Variants in RICTOR observed in about 807,000 individuals in gnomAD.
RICTOR encodes the protein RPTOR independent companion of MTOR complex 2, also known as rapamycin-insensitive companion of mTOR.
Under a neutral mutation model 214.9 loss-of-function variants are expected in RICTOR, and 49 were observed. The ratio of observed to expected loss-of-function variants is 0.23; its 90% CI spans 0.18 to 0.29. The LOEUF is 0.29. Among genes scored for constraint, RICTOR ranks in the 10% least tolerant of loss-of-function variants. RICTOR has a pLI of 1.00. For missense variants in RICTOR, 1,625 were observed against 2,047.0 expected (o/e 0.79, Z 3.98); for synonymous variants, 717 against 711.3 (o/e 1.01, Z -0.13).
At chr5:39,050,418 C>A (rs1410380973) in intron 2 of RICTOR, among the ~76,000 whole-genome samples, 1 of 151,980 alleles carries the variant, frequency 6.6e-6, no homozygotes, top group Admixed American at 6.6e-5. Flanking sequence ...CTCACTGTAA[C>A]CTCCACCTCC....
chr5:38,956,946 G>C (rs6898010), intron 25 of RICTOR, among the ~76,000 whole-genome samples: 147,130 of 152,168 alleles, frequency 0.97, 71,184 homozygotes, highest in East Asian at 0.99. Context: ...ATAAAAGAAT[G>C]TGTAACTATG....
intron 32 of RICTOR, 24 bp from the exon 33 acceptor site, chr5:38,946,576 T>A (rs372536860): frequency 3.8e-5 from 52 of 1,386,266 alleles, no homozygotes; most frequent in Admixed American, 8.8e-5. Flanking sequence ...TAAACCATGG[T>A]AAGTCCTGCT....
rs1311146400 is a variant in RICTOR at position 39,074,320 on chromosome 5, C to T, written c.49+9G>A. 1.3e-6 allele frequency: 2 copies of T among 1,533,280 alleles called. No individual in the cohort carries two copies. Among genetic ancestry groups the T allele is most frequent in the Non-Finnish European group, 8.8e-7 (1 of 1,137,492 alleles). 95.0% of individuals were successfully genotyped at this position (1,533,280 alleles called of 1,614,324 possible). A position where few individuals can be genotyped will look rare whatever the true frequency, so the allele number is the denominator to read the frequency against. ...GGGCGGTGGGGAGTGAGGGTTGCAG[C>T]GGGCTTACCTCGTACTCGGAGGTTC... On this transcript the variant is annotated intron_variant, in intron 1 of 37. Coordinates refer to ENST00000357387, the MANE Select transcript of RICTOR (RefSeq NM_152756.5).
intron 5 of RICTOR, among the ~76,000 whole-genome samples, chr5:38,997,953 G>C (rs530425732): frequency 6.6e-6 from 1 of 152,182 alleles, no homozygotes; most frequent in African/African-American, 2.4e-5. Flanking sequence ...TTCTCTCCAA[G>C]ACACTTGTCA....
chr5:39,069,974 T>TG (rs1376863957), intron 2 of RICTOR, among the ~76,000 whole-genome samples: 2 of 152,368 alleles, frequency 1.3e-5, no homozygotes, highest in African/African-American at 4.8e-5. Context: ...TTACTTAATT[T>TG]ATTTTTCCAC....
Position 38,990,707 on chromosome 5 carries a change from A to C in RICTOR, c.583+242T>G, listed in dbSNP as rs1383402310. On this transcript the variant is annotated intron_variant, in intron 7 of 37. Transcript: ENST00000357387. ...ATCATATATATGATATATATCAGAT[A>C]TGATATATATGATATATATCATATA... is the stretch of plus-strand genomic sequence containing the variant. Among the ~76,000 whole-genome samples the C allele has an allele frequency of 1.5e-4, 14 of 90,678 alleles. 2 individuals are homozygous for C. The highest frequency in any genetic ancestry group is 4.7e-4 in the African/African-American group (11 of 23,250). The allele number at this position is 90,678 out of a possible 152,430, so 59.5% of individuals were successfully genotyped here. A position where few individuals can be genotyped will look rare whatever the true frequency, so the allele number is the denominator to read the frequency against.
chr5:39,056,261 T>C (rs943216353), intron 2 of RICTOR, among the ~76,000 whole-genome samples: 10 of 152,134 alleles, frequency 6.6e-5, no homozygotes, highest in African/African-American at 2.4e-4. Flanking sequence ...AACAAAGTAC[T>C]TGTCTCCTCA....
chr5:38,955,716 T>G lies in RICTOR; in HGVS notation c.2500-12A>C. The G allele has an allele frequency of 2.1e-6, 3 of 1,428,276 alleles. No individual in the cohort carries two copies. Among genetic ancestry groups the G allele is most frequent in the Non-Finnish European group, 3.0e-6 (3 of 1,010,504 alleles). The allele number at this position is 1,428,276 out of a possible 1,614,324, so 88.5% of individuals were successfully genotyped here. A position where few individuals can be genotyped will look rare whatever the true frequency, so the allele number is the denominator to read the frequency against. On this transcript the variant is annotated splice_polypyrimidine_tract_variant and intron_variant, in intron 25 of 37. Coordinates refer to ENST00000357387, the MANE Select transcript of RICTOR (RefSeq NM_152756.5). ...TTGGAGTTGTATTCCTAGAGGATAA[T>G]ATTGTTTTAATTGCACATAGTATCA...
intron 3 of RICTOR, among the ~76,000 whole-genome samples, chr5:39,018,843 T>C (rs1755167307): frequency 6.6e-6 from 1 of 152,052 alleles, no homozygotes; most frequent in African/African-American, 2.4e-5. Context: ...AAATTAGAGA[T>C]TGAGCTTAGT....
At chr5:39,053,566 A>C (rs553217549) in intron 2 of RICTOR, among the ~76,000 whole-genome samples, 2 of 152,352 alleles carry the variant, frequency 1.3e-5, no homozygotes, top group East Asian at 3.9e-4. Context: ...AATATTTATT[A>C]AATAAATGTT....
chr5:39,054,623 T>C (rs1758080143), intron 2 of RICTOR, among the ~76,000 whole-genome samples: 1 of 152,216 alleles, frequency 6.6e-6, no homozygotes, highest in East Asian at 1.9e-4. Context: ...GCCTCTTGAT[T>C]TGTCAGTCTA....
chr5:38,986,258 C>G (rs1377351934), intron 7 of RICTOR, among the ~76,000 whole-genome samples: 1 of 152,136 alleles, frequency 6.6e-6, no homozygotes, highest in East Asian at 1.9e-4. Flanking sequence ...TAAGACATGC[C>G]TCACTTCCAT....
chr5:38,954,766 G>T lies in RICTOR; in HGVS notation c.2697+8C>A. On this transcript the variant is annotated splice_region_variant and intron_variant, in intron 27 of 37. Transcript: ENST00000357387. ...TAGCTACTTAAAATAAGTGAATTAT[G>T]TTTTTACCTGTACTTCCAACAAATG... 6.7e-7 allele frequency: 1 copy of T among 1,489,688 alleles called. No individual in the cohort carries two copies. The highest frequency in any genetic ancestry group is 9.3e-7 in the Non-Finnish European group (1 of 1,069,906). 92.3% of individuals were successfully genotyped at this position (1,489,688 alleles called of 1,614,324 possible).
chr5:39,047,702 T>G (rs1048932020), intron 2 of RICTOR, among the ~76,000 whole-genome samples: 1 of 152,228 alleles, frequency 6.6e-6, no homozygotes, highest in Admixed American at 6.5e-5. Flanking sequence ...CTTTGCTGTA[T>G]GAAATGAGTT....
At chr5:38,988,325 C>T (rs904649100) in intron 7 of RICTOR, among the ~76,000 whole-genome samples, 3 of 152,112 alleles carry the variant, frequency 2.0e-5, no homozygotes, top group Non-Finnish European at 4.4e-5. Context: ...GTGTGGGAGT[C>T]TAAGTCTCTT....
intron 31 of RICTOR, among the ~76,000 whole-genome samples, chr5:38,949,062 A>G (rs1748469315): frequency 6.6e-6 from 1 of 152,100 alleles, no homozygotes; most frequent in Non-Finnish European, 1.5e-5. Flanking sequence ...AAAGTTGTTT[A>G]GAAGCATTTG....
intron 6 of RICTOR, 45 bp from the exon 7 acceptor site, chr5:38,991,120 T>C: frequency 7.1e-7 from 1 of 1,416,636 alleles, no homozygotes; most frequent in Non-Finnish European, 9.7e-7. Flanking sequence ...TAGTAATACA[T>C]TTCTTAAACC....
chr5:38,975,374 C>G (rs559233918), intron 10 of RICTOR, among the ~76,000 whole-genome samples, 163 bp downstream of exon 10: 14 of 152,198 alleles, frequency 9.2e-5, no homozygotes, highest in Admixed American at 2.6e-4. Flanking sequence ...ATTTCCTTCA[C>G]CATATTTTAA....
chr5:38,985,530 T>C (rs747659277), intron 7 of RICTOR, among the ~76,000 whole-genome samples: 1 of 152,208 alleles, frequency 6.6e-6, no homozygotes, highest in Non-Finnish European at 1.5e-5. Flanking sequence ...TGCTTGTTTT[T>C]GTGACTCCTT....
Sources: allele counts gnomAD v4.1 joint callset (sites outside exome capture counted in the v4.1 genomes callset), GRCh38; gene constraint gnomAD v4.1.1; transcripts MANE v1.5; gene names NCBI Gene and HGNC (gene_info 2026-07-23, HGNC 2026-07-21).